EFL1: variants seen among roughly 807,000 people sequenced by gnomAD.
EFL1 encodes the protein elongation factor-like GTPase 1.
A neutral mutation model predicts 126.7 loss-of-function variants in EFL1; 76 were observed. The ratio of observed to expected loss-of-function variants is 0.60; its 90% confidence interval spans 0.50 to 0.73. The LOEUF (loss-of-function observed/expected upper bound fraction) is 0.73, where lower values mean the gene tolerates loss of function less well. Among genes scored for constraint, EFL1 ranks in the 30% least tolerant of loss-of-function variants. The pLI, the probability that EFL1 is intolerant of heterozygous loss-of-function variation, is 0.00. For missense variants in EFL1, 1,128 were observed against 1,343.2 expected, an observed-to-expected ratio of 0.84 and a Z score of 2.50; for synonymous variants, 410 against 448.4, an observed-to-expected ratio of 0.91 and a Z score of 1.08.
chr15:82,151,809 A>G lies in EFL1; in HGVS notation c.2645T>C (p.Met882Thr). The G allele has an allele frequency of 1.2e-6, 2 of 1,614,074 alleles. No individual in the cohort carries two copies. The highest frequency in any genetic ancestry group is 1.7e-6 in the Non-Finnish European group (2 of 1,180,002). ...GACACCCATGAGAGGCTCCTCACAC[A>G]TGGGGCCAGAGAGGGTTGCTAGTTG... ...GFQLATLSGPMCEEPLMGVCF... is the reference protein window; with the variant it reads ...GFQLATLSGPTCEEPLMGVCF... The change falls in exon 18 of 20, where the codon ATG becomes ACG. Residue 882 changes from methionine (M) to threonine (T), a missense_variant. This residue lies in a region of EFL1 where 561 missense variants were observed against 641.7 expected (regional missense o/e 0.87). Coordinates refer to ENST00000268206, the MANE Select transcript of EFL1 (RefSeq NM_024580.6).
chr15:82,239,914 T>C (rs772955847), intron 6 of EFL1, among the ~76,000 whole-genome samples: 2 of 152,184 alleles, frequency 1.3e-5, no homozygotes, highest in Non-Finnish European at 2.9e-5. Flanking sequence ...CCAGGACTTA[T>C]CTCATTGTTC....
At chr15:82,171,972 C>A (rs1567049387) in intron 15 of EFL1, among the ~76,000 whole-genome samples, 5 of 151,054 alleles carry the variant, frequency 3.3e-5, no homozygotes, top group Admixed American at 2.6e-4. Context: ...TATATGTAAA[C>A]AACTAGTACA....
intron 18 of EFL1, among the ~76,000 whole-genome samples, chr15:82,150,982 T>C (rs558351688): frequency 1.3e-5 from 2 of 152,318 alleles, no homozygotes; most frequent in East Asian, 3.9e-4. Flanking sequence ...AGTCATGTTT[T>C]TCCCCTCTCA....
intron 18 of EFL1, among the ~76,000 whole-genome samples, chr15:82,141,601 G>A (rs2073787774): frequency 6.6e-6 from 1 of 151,158 alleles, no homozygotes; most frequent in Non-Finnish European, 1.5e-5. Flanking sequence ...GAGAACTTGG[G>A]AGGTGGAGAT....
intron 16 of EFL1, among the ~76,000 whole-genome samples, chr15:82,162,802 G>A (rs1187632377): frequency 1.3e-5 from 2 of 152,210 alleles, no homozygotes; most frequent in Non-Finnish European, 2.9e-5. Context: ...AATGAGTTCA[G>A]AAGGCTTAGC....
intron 18 of EFL1, 68 bp from the exon 19 acceptor site, chr15:82,138,910 T>C (rs2073755530): frequency 2.1e-6 from 3 of 1,398,938 alleles, no homozygotes; most frequent in Non-Finnish European, 2.9e-6. Context: ...AAGACATGAT[T>C]ACCCATATAC....
intron 18 of EFL1, among the ~76,000 whole-genome samples, chr15:82,146,551 G>GAAA (rs905931945): frequency 1.3e-4 from 18 of 136,982 alleles, no homozygotes; most frequent in African/African-American, 4.9e-4. Context: ...AAAGCAAAGA[G>GAAA]AAAACAGGCT....
chr15:82,205,930 G>A (rs1452996233), intron 15 of EFL1, among the ~76,000 whole-genome samples: 3 of 152,156 alleles, frequency 2.0e-5, no homozygotes, highest in Non-Finnish European at 4.4e-5. Context: ...CACATCTTAA[G>A]TTGTAAAATA....
At chr15:82,187,608 G>A (rs536535168) in intron 15 of EFL1, among the ~76,000 whole-genome samples, 9 of 151,862 alleles carry the variant, frequency 5.9e-5, no homozygotes, top group East Asian at 1.9e-4. Flanking sequence ...CCTATTAAAC[G>A]AAGCTTATTG....
intron 18 of EFL1, among the ~76,000 whole-genome samples, chr15:82,140,121 C>A (rs577933574): frequency 1.4e-4 from 22 of 152,198 alleles, no homozygotes; most frequent in Non-Finnish European, 2.8e-4. Flanking sequence ...AATTAACACT[C>A]CATTCGTAAT....
At chr15:82,240,316 G>T in intron 6 of EFL1, 102 bp downstream of exon 6, 1 of 1,179,780 alleles carries the variant, frequency 8.5e-7, no homozygotes, top group Non-Finnish European at 1.2e-6. Flanking sequence ...ATCTGAAGTG[G>T]AAAAGTTCCC....
At chr15:82,250,200 TATCTC>T (rs1430564905) in intron 4 of EFL1, among the ~76,000 whole-genome samples, 3 of 136,322 alleles carry the variant, frequency 2.2e-5, no homozygotes, top group Non-Finnish European at 3.1e-5. Flanking sequence ...GATAAAAACA[TATCTC>T]ATCTCTCAAG....
chr15:82,258,820 T>C (rs2075088407), intron 3 of EFL1, among the ~76,000 whole-genome samples: 1 of 152,244 alleles, frequency 6.6e-6, no homozygotes, highest in Non-Finnish European at 1.5e-5. Flanking sequence ...ACAAAGAATC[T>C]CTTGCGCTGT....
At chr15:82,138,430 A>ATGTGTGTGTGTGTGTGTG (rs10675439) in intron 19 of EFL1, among the ~76,000 whole-genome samples, 1 of 146,014 alleles carries the variant, frequency 6.8e-6, no homozygotes, top group Non-Finnish European at 1.5e-5. Flanking sequence ...GAGAGAGTGT[A>ATGTGTGTGTGTGTGTGTG]TGTGTGTGTG....
At chr15:82,216,202 A>G (rs1293198201) in intron 14 of EFL1, among the ~76,000 whole-genome samples, 1 of 152,116 alleles carries the variant, frequency 6.6e-6, no homozygotes, top group Non-Finnish European at 1.5e-5. Flanking sequence ...TAAAACTATA[A>G]AACTTCATGA....
At chr15:82,186,913 C>G (rs6495643) in intron 15 of EFL1, among the ~76,000 whole-genome samples, 101,227 of 152,040 alleles carry the variant, frequency 0.67, 35,438 homozygotes, top group African/African-American at 0.89. Flanking sequence ...TCAGGCGCTT[C>G]TTAGGTAGCC....
intron 16 of EFL1, among the ~76,000 whole-genome samples, chr15:82,163,324 C>T (rs2074042497): frequency 6.6e-6 from 1 of 152,196 alleles, no homozygotes; most frequent in Non-Finnish European, 1.5e-5. Context: ...GGCAGATGAC[C>T]TGCGGTCAGG....
intron 7 of EFL1, among the ~76,000 whole-genome samples, chr15:82,231,826 A>G (rs1232604005): frequency 6.6e-6 from 1 of 152,200 alleles, no homozygotes; most frequent in African/African-American, 2.4e-5. Flanking sequence ...ACAAATGAAG[A>G]CAAGGTGAAA....
intron 17 of EFL1, among the ~76,000 whole-genome samples, chr15:82,153,910 A>T (rs2073939906): frequency 6.6e-6 from 1 of 152,220 alleles, no homozygotes; most frequent in Non-Finnish European, 1.5e-5. Context: ...TATTTCTAAA[A>T]TTATCATTAC....
Sources: gnomAD v4.1 joint callset for allele counts (sites outside exome capture counted in the v4.1 genomes callset) on GRCh38, gnomAD v4.1.1 for gene constraint, gnomAD v4.1.1 regional missense constraint, MANE v1.5 for transcripts, NCBI Gene and HGNC (gene_info 2026-07-23, HGNC 2026-07-21) for gene names.